ATRN: variants seen among roughly 807,000 people sequenced by gnomAD.
ATRN encodes the protein attractin, also known as attractin-2.
A neutral mutation model predicts 178.7 loss-of-function variants in ATRN; 54 were observed. The ratio of observed to expected loss-of-function variants is 0.30; its 90% confidence interval spans 0.24 to 0.38. The LOEUF (loss-of-function observed/expected upper bound fraction) is 0.38. Among genes scored for constraint, ATRN ranks in the 10% least tolerant of loss-of-function variants. ATRN has a pLI of 1.00. For missense variants in ATRN, 1,443 were observed against 1,815.1 expected (o/e 0.79, Z 3.73); for synonymous variants, 636 against 663.0 (o/e 0.96, Z 0.63).
intron 21 of ATRN, 116 bp from the exon 22 acceptor site, chr20:3,597,790 G>T: frequency 1.6e-6 from 1 of 620,318 alleles, no homozygotes. Flanking sequence ...GGGTACAGCT[G>T]AGTTAAAGTG....
In ATRN at chr20:3,649,491, C is replaced by A. The variant is rs1319523081; in HGVS notation, c.*2644C>A. On this transcript the variant is annotated 3_prime_UTR_variant, in exon 29 of 29. Coordinates refer to ENST00000262919, the MANE Select transcript of ATRN (RefSeq NM_139321.3). The stretch of plus-strand genomic sequence containing the variant: ...TGAATAACAAACCCAAGAAACGCAT[C>A]CCCATTGTGTGATGTGTTCAGATGC... 2 of 152,266 alleles carry A rather than the reference C, an allele frequency of 1.3e-5. No individual in the cohort carries two copies. The highest frequency in any genetic ancestry group is 4.8e-5 in the African/African-American group (2 of 41,440). 9.4% of individuals were successfully genotyped at this position (152,266 alleles called of 1,614,324 possible).
chr20:3,630,964 T>TG (rs1568774700), intron 25 of ATRN, among the ~76,000 whole-genome samples: 1 of 73,430 alleles, frequency 1.4e-5, no homozygotes, highest in Admixed American at 1.6e-4. Context: ...TTTTTTTTTT[T>TG]GGGATAGGGT....
intron 8 of ATRN, 62 bp from the exon 9 acceptor site, chr20:3,562,214 C>T (rs1173815906): frequency 9.3e-6 from 13 of 1,405,402 alleles, no homozygotes; most frequent in Non-Finnish European, 1.3e-5. Context: ...GCTCTTTGGA[C>T]ATTTTCAGTA....
intron 1 of ATRN, among the ~76,000 whole-genome samples, chr20:3,529,573 T>G (rs1161709489): frequency 1.7e-4 from 26 of 152,224 alleles, no homozygotes; most frequent in Admixed American, 1.7e-3. Flanking sequence ...GTGTCTTTGA[T>G]TCCATTAAGT....
intron 22 of ATRN, 128 bp from the exon 23 acceptor site, chr20:3,600,818 T>G: frequency 1.1e-6 from 1 of 889,444 alleles, no homozygotes; most frequent in Non-Finnish European, 1.7e-6. Flanking sequence ...AACTCTTCTG[T>G]GAGTTTCTCT....
intron 24 of ATRN, among the ~76,000 whole-genome samples, chr20:3,623,362 G>A (rs2086911824): frequency 6.6e-6 from 1 of 152,130 alleles, no homozygotes; most frequent in South Asian, 2.1e-4. Context: ...CCAGAGGGAG[G>A]ACACAAAAAC....
At chr20:3,610,833 T>C (rs1175473194) in intron 24 of ATRN, among the ~76,000 whole-genome samples, 3 of 147,640 alleles carry the variant, frequency 2.0e-5, no homozygotes, top group Admixed American at 1.4e-4. Flanking sequence ...TGGGCTCAAG[T>C]GATCCTCCCG....
At chr20:3,480,106 G>T (rs576801280) in intron 1 of ATRN, among the ~76,000 whole-genome samples, 5 of 152,288 alleles carry the variant, frequency 3.3e-5, no homozygotes, top group African/African-American at 9.6e-5. Context: ...AAGGAAGGGG[G>T]TGAGGTTGTA....
chr20:3,543,551 G>A (rs532567923), intron 3 of ATRN, among the ~76,000 whole-genome samples: 12 of 151,728 alleles, frequency 7.9e-5, no homozygotes, highest in African/African-American at 1.5e-4. Context: ...GTGAAACCCC[G>A]TCTCTACTAA....
At chr20:3,614,810 G>T (rs1434153489) in intron 24 of ATRN, among the ~76,000 whole-genome samples, 1 of 151,574 alleles carries the variant, frequency 6.6e-6, no homozygotes, top group African/African-American at 2.4e-5. Context: ...CCCTCTTCCG[G>T]CAACCCCCAG....
Position 3,560,743 on chromosome 20 carries a change from G to C in ATRN, c.1285G>C (p.Glu429Gln), listed in dbSNP as rs368858928. 5.0e-6 allele frequency: 8 copies of C among 1,613,966 alleles called. No homozygotes were observed. The African/African-American group carries it at 1.1e-4, about 22-fold the overall frequency. Residue 429 changes from glutamate to glutamine, a missense_variant, in exon 8 of 29, where the codon GAG becomes CAG. Glu to Gln is a conservative substitution (Grantham distance 29). Coordinates refer to ENST00000262919, the MANE Select transcript of ATRN (RefSeq NM_139321.3). Reference sequence around the variant, plus strand: ...GTTGAGAGTTTTTCACATTCATAATGAGTCATGGGTGTTGTTGACCCCTAA... The same window carrying C: ...GTTGAGAGTTTTTCACATTCATAATCAGTCATGGGTGTTGTTGACCCCTAA... ...NELRVFHIHN[E>Q]SWVLLTPKAK...
intron 18 of ATRN, among the ~76,000 whole-genome samples, chr20:3,585,613 A>T (rs982047758): frequency 6.6e-6 from 1 of 152,208 alleles, no homozygotes; most frequent in Non-Finnish European, 1.5e-5. Flanking sequence ...GAAATATTTA[A>T]ATCTCTGCTT....
intron 22 of ATRN, among the ~76,000 whole-genome samples, chr20:3,600,248 G>A (rs867121218): frequency 3.3e-5 from 5 of 152,146 alleles, no homozygotes; most frequent in Middle Eastern, 3.4e-3. Context: ...TAAGACCAAG[G>A]ATCAAAATAA....
At chr20:3,520,036 A>G (rs1487036530) in intron 1 of ATRN, among the ~76,000 whole-genome samples, 1 of 152,214 alleles carries the variant, frequency 6.6e-6, no homozygotes, top group Non-Finnish European at 1.5e-5. Context: ...TGAAGAAGAG[A>G]GTGAAGAGCG....
At position 3,650,816 on chromosome 20, in the gene ATRN, CGTTT is replaced by C. The variant is rs2087141526; in HGVS notation, c.*3975_*3978del. ...TTTGTTTTATAGTTATTTACGATTTCGTTTGTTTGGATTCAAGCTTAGTTTGTTA... is the reference window on the plus strand; with the variant it reads ...TTTGTTTTATAGTTATTTACGATTTCGTTTGGATTCAAGCTTAGTTTGTTA... On this transcript the variant is annotated 3_prime_UTR_variant, in exon 29 of 29. Coordinates refer to ENST00000262919, the MANE Select transcript of ATRN (RefSeq NM_139321.3). 1 of 152,596 alleles carries C rather than the reference CGTTT, an allele frequency of 6.6e-6. No individual in the cohort carries two copies. Among genetic ancestry groups the C allele is most frequent in the Non-Finnish European group, 1.5e-5 (1 of 68,020 alleles). 9.5% of individuals were successfully genotyped at this position (152,596 alleles called of 1,614,324 possible). A position where few individuals can be genotyped will look rare whatever the true frequency, so the allele number is the denominator to read the frequency against.
At chr20:3,574,928 G>A (rs1490531498) in intron 12 of ATRN, among the ~76,000 whole-genome samples, 1 of 150,768 alleles carries the variant, frequency 6.6e-6, no homozygotes, top group Non-Finnish European at 1.5e-5. Context: ...CGAGATGGTT[G>A]AACAGATGAG....
chr20:3,580,217 C>G (rs2086263803), intron 15 of ATRN, among the ~76,000 whole-genome samples: 1 of 152,140 alleles, frequency 6.6e-6, no homozygotes, highest in Admixed American at 6.5e-5. Flanking sequence ...AAATGGATGG[C>G]ACCCAGCTTT....
At chr20:3,576,809 A>G in intron 13 of ATRN, 50 bp from the exon 14 acceptor site, 1 of 1,600,942 alleles carries the variant, frequency 6.2e-7, no homozygotes, top group Middle Eastern at 1.7e-4. Flanking sequence ...TCCTCACCAT[A>G]AGTTCTCTCT....
Position 3,521,120 on chromosome 20 carries a change from G to T in ATRN, c.411-14133G>T, listed in dbSNP as rs985343982. On this transcript the variant is annotated intron_variant, in intron 1 of 28. Transcript: ENST00000262919. ...TTGAGAGGGGAGGTTGGGAGGCGGG[G>T]TTGGGTTGAAAAACTACCTATTAGG... Among the ~76,000 whole-genome samples, 14 of 152,148 alleles carry T rather than the reference G, an allele frequency of 9.2e-5. No individual in the cohort carries two copies. In the South Asian group the frequency reaches 2.7e-3, roughly 29 times the overall value.
Sources: allele counts gnomAD v4.1 joint callset (sites outside exome capture counted in the v4.1 genomes callset), GRCh38; gene constraint gnomAD v4.1.1; transcripts MANE v1.5; gene names NCBI Gene and HGNC (gene_info 2026-07-23, HGNC 2026-07-21).